The following DLG2 variants were observed in gnomAD, a reference collection of about 807,000 sequenced individuals.
The protein encoded by DLG2 is discs large MAGUK scaffold protein 2.
In DLG2, 45 loss-of-function variants were observed where a neutral mutation model predicts 132.5. The ratio of observed to expected loss-of-function variants is 0.34; its 90% confidence interval spans 0.27 to 0.44. The LOEUF is 0.44. Among genes scored for constraint, DLG2 ranks in the 20% least tolerant of loss-of-function variants. The pLI is 1.00. For synonymous variants in DLG2, 424 were observed against 419.6 expected, an observed-to-expected ratio of 1.01 and a Z score of -0.13; for missense variants, 1,045 against 1,196.9, an observed-to-expected ratio of 0.87 and a Z score of 1.87.
chr11:85,552,926 C>T (rs992790799), intron 3 of DLG2, among the ~76,000 whole-genome samples: 4 of 151,282 alleles, frequency 2.6e-5, no homozygotes, highest in Non-Finnish European at 4.4e-5. Flanking sequence ...ACAAATCTCA[C>T]GCAAAAAATT....
intron 7 of DLG2, among the ~76,000 whole-genome samples, chr11:84,390,043 T>C (rs1270444306): frequency 6.6e-6 from 1 of 152,212 alleles, no homozygotes; most frequent in African/African-American, 2.4e-5. Context: ...CCTTAAGTGG[T>C]ATAATCATCT....
At chr11:84,941,986 G>A (rs901649145) in intron 6 of DLG2, among the ~76,000 whole-genome samples, 3 of 152,110 alleles carry the variant, frequency 2.0e-5, no homozygotes, top group African/African-American at 2.4e-5. Context: ...TGGATAGGTT[G>A]TATCTGTCTA....
chr11:83,847,180 C>T (rs61900031), intron 16 of DLG2, among the ~76,000 whole-genome samples: 4,523 of 152,122 alleles, frequency 0.03, 102 homozygotes, highest in Non-Finnish European at 0.047. Flanking sequence ...AAGTAAATAT[C>T]TATTGTACAG....
intron 6 of DLG2, among the ~76,000 whole-genome samples, chr11:85,031,712 C>G (rs1389635643): frequency 6.6e-6 from 1 of 152,038 alleles, no homozygotes; most frequent in Non-Finnish European, 1.5e-5. Context: ...GTTTGTTTCA[C>G]TAAAATAATG....
intron 6 of DLG2, among the ~76,000 whole-genome samples, chr11:85,032,464 ATT>A (rs1400975548): frequency 6.6e-6 from 1 of 152,210 alleles, no homozygotes; most frequent in Non-Finnish European, 1.5e-5. Context: ...TAACAATGTA[ATT>A]TTAAAGCAAT....
intron 5 of DLG2, among the ~76,000 whole-genome samples, chr11:85,124,862 G>A (rs568974979): frequency 2.1e-4 from 31 of 146,912 alleles, no homozygotes; most frequent in African/African-American, 2.8e-4. Context: ...ACGGAGTCTC[G>A]CTGTGTCGCC....
chr11:85,484,118 G>T (rs2093366246), intron 3 of DLG2, among the ~76,000 whole-genome samples: 1 of 152,010 alleles, frequency 6.6e-6, no homozygotes, highest in Non-Finnish European at 1.5e-5. Context: ...GTACAAGAGG[G>T]CGTGAAACCG....
chr11:84,484,943 C>T (rs2099147093), intron 7 of DLG2, among the ~76,000 whole-genome samples: 1 of 152,136 alleles, frequency 6.6e-6, no homozygotes, highest in Admixed American at 6.6e-5. Flanking sequence ...TATTGTACAT[C>T]TACTATACAC....
chr11:84,130,794 T>G (rs2094391093), intron 9 of DLG2, among the ~76,000 whole-genome samples: 1 of 151,716 alleles, frequency 6.6e-6, no homozygotes, highest in African/African-American at 2.4e-5. Flanking sequence ...CTTGTAAACT[T>G]AGAAGCAAAT....
intron 11 of DLG2, among the ~76,000 whole-genome samples, chr11:84,042,885 G>T (rs2096129364): frequency 6.6e-6 from 1 of 151,830 alleles, no homozygotes; most frequent in Non-Finnish European, 1.5e-5. Context: ...CCTGTAGGGG[G>T]TGAGGTGCAG....
chr11:84,728,169 A>G (rs140738868), intron 6 of DLG2, among the ~76,000 whole-genome samples: 2,330 of 152,062 alleles, frequency 0.015, 69 homozygotes, highest in African/African-American at 0.052. Context: ...TCTTGTGCCA[A>G]TTTTCAAAGG....
intron 9 of DLG2, among the ~76,000 whole-genome samples, chr11:84,150,707 C>T (rs1309907160): frequency 2.6e-5 from 4 of 152,096 alleles, no homozygotes; most frequent in Non-Finnish European, 4.4e-5. Context: ...AATGGGAATG[C>T]TTCCAGCTTT....
chr11:83,471,548 TG>T, intron 24 of DLG2, 77 bp downstream of exon 24: 1 of 1,037,642 alleles, frequency 9.6e-7, no homozygotes, highest in Non-Finnish European at 1.5e-6. Flanking sequence ...TACTGGAGGA[TG>T]GAATTACATT....
intron 6 of DLG2, among the ~76,000 whole-genome samples, chr11:84,968,468 G>T (rs535440892): frequency 6.6e-6 from 1 of 152,034 alleles, no homozygotes; most frequent in South Asian, 2.1e-4. Context: ...AAGAATAAAA[G>T]TCATTACGTA....
At chr11:85,274,901 C>T (rs961415754) in intron 4 of DLG2, among the ~76,000 whole-genome samples, 1 of 152,150 alleles carries the variant, frequency 6.6e-6, no homozygotes, top group African/African-American at 2.4e-5. Flanking sequence ...TTTCCCCTCT[C>T]AGTTTATTAG....
chr11:84,857,271 G>A (rs2154026317), intron 6 of DLG2, among the ~76,000 whole-genome samples: 1 of 152,046 alleles, frequency 6.6e-6, no homozygotes, highest in Admixed American at 6.6e-5. Context: ...GTCCTATCAG[G>A]ATTGAAGAGG....
chr11:85,051,020 C>T (rs956665972), intron 6 of DLG2, among the ~76,000 whole-genome samples: 1 of 152,108 alleles, frequency 6.6e-6, no homozygotes, highest in African/African-American at 2.4e-5. Flanking sequence ...AGCGCCAGTG[C>T]ACCATGAAGA....
chr11:84,260,258 T>C (rs111799913), intron 7 of DLG2, among the ~76,000 whole-genome samples: 4 of 152,276 alleles, frequency 2.6e-5, no homozygotes, highest in African/African-American at 9.6e-5. Flanking sequence ...TGTGGTTTAG[T>C]CAATGTGCCC....
intron 3 of DLG2, among the ~76,000 whole-genome samples, chr11:85,335,162 T>C (rs1201639011): frequency 1.3e-5 from 2 of 152,150 alleles, no homozygotes; most frequent in African/African-American, 4.8e-5. Flanking sequence ...GAATGCTTTA[T>C]CATTGTGCCC....
Sources: allele counts gnomAD v4.1 joint callset (sites outside exome capture counted in the v4.1 genomes callset), GRCh38; gene constraint gnomAD v4.1.1; transcripts MANE v1.5; gene names NCBI Gene and HGNC (gene_info 2026-07-23, HGNC 2026-07-21).